RCC2: variants seen among roughly 807,000 people sequenced by gnomAD.
RCC2 encodes the protein protein RCC2.
Under a neutral mutation model 64.1 loss-of-function variants are expected in RCC2, and 19 were observed. The ratio of observed to expected loss-of-function variants is 0.30; its 90% CI spans 0.21 to 0.44. The LOEUF (loss-of-function observed/expected upper bound fraction) is 0.44, where lower values mean the gene tolerates loss of function less well. Among genes scored for constraint, RCC2 ranks in the 20% least tolerant of loss-of-function variants. The pLI is 1.00. For synonymous variants in RCC2, 325 were observed against 279.6 expected (o/e 1.16, Z -1.62); for missense variants, 508 against 710.4 (o/e 0.72, Z 3.24).
At chr1:17,415,713 T>C (rs12093155) in intron 8 of RCC2, among the ~76,000 whole-genome samples, 39,341 of 140,664 alleles carry the variant, frequency 0.28, 5,230 homozygotes, top group Middle Eastern at 0.43. Flanking sequence ...CCGCCTCAAA[T>C]AAAAAAAAAA....
At chr1:17,434,900 T>C (rs1319697510) in intron 2 of RCC2, among the ~76,000 whole-genome samples, 2 of 151,044 alleles carry the variant, frequency 1.3e-5, no homozygotes, top group Admixed American at 1.3e-4. Flanking sequence ...AGGTCAGGAG[T>C]TCAAGACAGC....
At chr1:17,430,054 C>T (rs568214999) in intron 2 of RCC2, among the ~76,000 whole-genome samples, 325 of 152,326 alleles carry the variant, frequency 2.1e-3, no homozygotes, top group Non-Finnish European at 3.6e-3. Flanking sequence ...TCAAAATATA[C>T]TTTTTCAAGT....
At chr1:17,437,731 G>C (rs2075752770) in intron 2 of RCC2, among the ~76,000 whole-genome samples, 1 of 146,984 alleles carries the variant, frequency 6.8e-6, no homozygotes, top group Non-Finnish European at 1.5e-5. Context: ...GAGGCGGCGG[G>C]AACCTCAAAG....
chr1:17,409,951 C>A, intron 12 of RCC2, 23 bp downstream of exon 12: 1 of 1,605,304 alleles, frequency 6.2e-7, no homozygotes, highest in Non-Finnish European at 8.5e-7. Flanking sequence ...CGTCCCCGAG[C>A]TGGCACAGCT....
chr1:17,422,942 T>G, intron 4 of RCC2, 106 bp from the exon 5 acceptor site: 1 of 1,404,418 alleles, frequency 7.1e-7, no homozygotes, highest in Non-Finnish European at 9.7e-7. Flanking sequence ...CATCTGTCTC[T>G]GGAAGGTACC....
rs150047698 is a variant in RCC2 at position 17,412,591 on chromosome 1, C to T, written c.1314-397G>A. ...GAGCCTTCAACAGATTAAAGCCACG[C>T]CGACAGAGGCCCCTCATACTGTTCC... is the stretch of plus-strand genomic sequence containing the variant. On this transcript the variant is annotated intron_variant, in intron 10 of 12. Transcript: ENST00000375436. Among the ~76,000 whole-genome samples the T allele has an allele frequency of 1.2e-4, 19 of 152,312 alleles. No homozygotes were observed. The East Asian group carries it at 1.7e-3, about 14-fold the overall frequency.
At chr1:17,417,082 C>G (rs1031667506) in intron 7 of RCC2, among the ~76,000 whole-genome samples, 11 of 152,204 alleles carry the variant, frequency 7.2e-5, no homozygotes, top group African/African-American at 2.7e-4. Context: ...CCACAAGGAG[C>G]CCCTAAAAGA....
intron 6 of RCC2, among the ~76,000 whole-genome samples, chr1:17,421,066 TC>T (rs2075550641): frequency 6.6e-6 from 1 of 152,086 alleles, no homozygotes; most frequent in South Asian, 2.1e-4. Flanking sequence ...AGCCACTGTC[TC>T]TTTAAGATCA....
chr1:17,431,853 C>T (rs1421557026), intron 2 of RCC2, among the ~76,000 whole-genome samples: 1 of 152,166 alleles, frequency 6.6e-6, no homozygotes, highest in Non-Finnish European at 1.5e-5. Flanking sequence ...CATCCCAGCA[C>T]TTTGGGAGGC....
chr1:17,434,660 G>A (rs1023126632), intron 2 of RCC2, among the ~76,000 whole-genome samples: 1 of 152,206 alleles, frequency 6.6e-6, no homozygotes, highest in Non-Finnish European at 1.5e-5. Flanking sequence ...TGGGGTGGAA[G>A]GACAGTCTTG....
At chr1:17,422,342 G>A (rs747575536) in intron 5 of RCC2, 51 bp from the exon 6 acceptor site, 47 of 1,482,102 alleles carry the variant, frequency 3.2e-5, no homozygotes, top group Admixed American at 1.4e-4. Context: ...TGAATGTTTT[G>A]AACTAGATTT....
Position 17,409,058 on chromosome 1 carries a change from G to C in RCC2, c.*32C>G. 7.0e-7 allele frequency: 1 copy of C among 1,436,278 alleles called. No homozygotes were observed. The highest frequency in any genetic ancestry group is 1.1e-5 in the South Asian group (1 of 87,466). 89.0% of individuals were successfully genotyped at this position (1,436,278 alleles called of 1,614,324 possible). ...CACATGGAAATGACAGCTGCCGCGA[G>C]AGGTGTGGAGTCGGAGGAGTCTCCG... On this transcript the variant is annotated 3_prime_UTR_variant, in exon 13 of 13. Transcript: ENST00000375436.
At chr1:17,427,770 G>T (rs1295783166) in intron 3 of RCC2, among the ~76,000 whole-genome samples, 4 of 152,054 alleles carry the variant, frequency 2.6e-5, no homozygotes, top group African/African-American at 9.7e-5. Context: ...CTGAGGAGCC[G>T]GGTTGGGTTT....
chr1:17,435,918 C>CAAAA, intron 2 of RCC2, among the ~76,000 whole-genome samples: 1 of 88,264 alleles, frequency 1.1e-5, no homozygotes, highest in Non-Finnish European at 2.4e-5. Context: ...AACTCCAGCT[C>CAAAA]AAAAAAAAAA....
intron 6 of RCC2, among the ~76,000 whole-genome samples, chr1:17,421,630 A>G (rs1194964229): frequency 6.6e-6 from 1 of 152,212 alleles, no homozygotes; most frequent in African/African-American, 2.4e-5. Flanking sequence ...TCTTTGGAAC[A>G]GAACAGGCTT....
chr1:17,433,590 A>G (rs1282148776), intron 2 of RCC2, among the ~76,000 whole-genome samples: 2 of 152,156 alleles, frequency 1.3e-5, no homozygotes. Context: ...AGCCTGGCAA[A>G]CAGTCTGCCC....
chr1:17,427,232 G>C (rs963095321), intron 3 of RCC2, among the ~76,000 whole-genome samples: 1 of 152,202 alleles, frequency 6.6e-6, no homozygotes, highest in Non-Finnish European at 1.5e-5. Flanking sequence ...TATCTGTGAA[G>C]TACGTTCCAG....
intron 3 of RCC2, among the ~76,000 whole-genome samples, chr1:17,427,812 C>A (rs2075633647): frequency 6.6e-6 from 1 of 151,668 alleles, no homozygotes; most frequent in African/African-American, 2.4e-5. Flanking sequence ...GCTGGAGGGA[C>A]TGGAGGGACC....
intron 8 of RCC2, among the ~76,000 whole-genome samples, chr1:17,414,229 C>T (rs1452274810): frequency 6.6e-6 from 1 of 152,140 alleles, no homozygotes; most frequent in African/African-American, 2.4e-5. Flanking sequence ...TCATTTGATT[C>T]CCACTACAAC....
Sources: allele counts gnomAD v4.1 joint callset (sites outside exome capture counted in the v4.1 genomes callset), GRCh38; gene constraint gnomAD v4.1.1; transcripts MANE v1.5; gene names NCBI Gene and HGNC (gene_info 2026-07-23, HGNC 2026-07-21).